Variants in ITIH5 observed in about 807,000 individuals in gnomAD.
The protein encoded by ITIH5 is inter-alpha-trypsin inhibitor heavy chain H5.
In ITIH5, 65 loss-of-function variants were observed where a neutral mutation model predicts 77.5. The ratio of observed to expected loss-of-function variants is 0.84; its 90% CI spans 0.69 to 1.03. ITIH5 has a LOEUF of 1.03. Among genes scored for constraint, ITIH5 ranks in the 50% least tolerant of loss-of-function variants. The pLI is 0.00. For synonymous variants in ITIH5, 525 were observed against 494.3 expected (o/e 1.06, Z -0.82); for missense variants, 1,208 against 1,213.1 (o/e 1.00, Z 0.06).
chr10:7,641,267 C>T (rs1040155978), intron 3 of ITIH5, among the ~76,000 whole-genome samples: 2 of 152,106 alleles, frequency 1.3e-5, no homozygotes, highest in South Asian at 2.1e-4. Context: ...GTCTTTCAAC[C>T]CTCAACTTCA....
intron 2 of ITIH5, among the ~76,000 whole-genome samples, chr10:7,652,419 C>A (rs1169935390): frequency 6.6e-6 from 1 of 152,152 alleles, no homozygotes; most frequent in Non-Finnish European, 1.5e-5. Context: ...ATCCTTGGAG[C>A]TTATCCCACG....
chr10:7,595,296 A>G (rs1832872169), intron 7 of ITIH5, among the ~76,000 whole-genome samples: 1 of 151,992 alleles, frequency 6.6e-6, no homozygotes, highest in Non-Finnish European at 1.5e-5. Flanking sequence ...CTGAAGGGAG[A>G]TTTTGAAAAT....
intron 2 of ITIH5, among the ~76,000 whole-genome samples, chr10:7,652,903 A>G (rs1834123608): frequency 6.6e-6 from 1 of 152,344 alleles, no homozygotes. Context: ...CTGGAAAAAA[A>G]AAAGCAATTC....
chr10:7,576,778 C>A lies in ITIH5; in HGVS notation c.1653G>T (p.Lys551Asn). Residue 551 changes from lysine (K) to asparagine (N), a missense_variant, in exon 10 of 14, where the codon AAG becomes AAT. Transcript: ENST00000397146. ...LKTDVPVRPQ[K>N]AGKDVTGSPR... is the part of the protein sequence containing the mutation. ...GGCTTCCTGTGACATCTTTCCCTGC[C>A]TTCTGAGGCCGCACAGGCACATCTG... 6.2e-7 allele frequency: 1 copy of A among 1,614,222 alleles called. No homozygotes were observed. Among genetic ancestry groups the A allele is most frequent in the Non-Finnish European group, 8.5e-7 (1 of 1,180,042 alleles).
At chr10:7,594,005 G>T (rs1832847366) in intron 7 of ITIH5, among the ~76,000 whole-genome samples, 1 of 152,230 alleles carries the variant, frequency 6.6e-6, no homozygotes, top group African/African-American at 2.4e-5. Context: ...TCATGTGAGG[G>T]GCTGGAGCTG....
At chr10:7,582,841 C>T (rs1023678051) in intron 8 of ITIH5, among the ~76,000 whole-genome samples, 1 of 151,700 alleles carries the variant, frequency 6.6e-6, no homozygotes, top group African/African-American at 2.4e-5. Context: ...AGAGGCTGGG[C>T]AGGGTAGTGG....
chr10:7,644,819 CATATATATCACATA>C (rs1833974465), intron 2 of ITIH5, among the ~76,000 whole-genome samples: 1 of 75,084 alleles, frequency 1.3e-5, no homozygotes, highest in Admixed American at 1.1e-4. Flanking sequence ...ACATATATAT[CATATATATCACATA>C]TATATCACAT....
chr10:7,611,459 A>G (rs1325209103), intron 7 of ITIH5, among the ~76,000 whole-genome samples: 2 of 152,204 alleles, frequency 1.3e-5, no homozygotes, highest in African/African-American at 4.8e-5. Context: ...TGGCAAGAAG[A>G]TTCTTGATCA....
Position 7,562,677 on chromosome 10 carries a change from C to A in ITIH5, c.*406G>T, listed in dbSNP as rs1564229001. ...TTAGTGTAAGGCAAAAAGCAGAGTG[C>A]CTAAACTTGTCCATTTCCACCAAGA... On this transcript the variant is annotated 3_prime_UTR_variant, in exon 14 of 14. Coordinates refer to ENST00000397146, the MANE Select transcript of ITIH5 (RefSeq NM_030569.7). 4.7e-6 allele frequency: 1 copy of A among 214,544 alleles called. No homozygotes were observed. Among genetic ancestry groups the A allele is most frequent in the Non-Finnish European group, 9.5e-6 (1 of 105,564 alleles). The allele number at this position is 214,544 out of a possible 1,614,324, so 13.3% of individuals were successfully genotyped here.
chr10:7,591,035 T>C (rs1244607752), intron 7 of ITIH5, among the ~76,000 whole-genome samples: 2 of 152,226 alleles, frequency 1.3e-5, no homozygotes, highest in Non-Finnish European at 2.9e-5. Context: ...TAGCTGGGCT[T>C]ACAGGCACAC....
chr10:7,643,065 G>A (rs903443142), intron 2 of ITIH5, among the ~76,000 whole-genome samples: 11 of 152,266 alleles, frequency 7.2e-5, no homozygotes, highest in East Asian at 1.9e-4. Flanking sequence ...TCTCTATGAT[G>A]GGATTAATGC....
intron 5 of ITIH5, among the ~76,000 whole-genome samples, chr10:7,628,718 AGC>A (rs1248103359): frequency 6.7e-5 from 8 of 119,292 alleles, no homozygotes; most frequent in East Asian, 4.8e-4. Flanking sequence ...TCCATGTTGT[AGC>A]GTGTGTCCAT....
chr10:7,608,149 T>C (rs983639497), intron 7 of ITIH5, among the ~76,000 whole-genome samples: 5 of 152,230 alleles, frequency 3.3e-5, no homozygotes, highest in Admixed American at 2.0e-4. Flanking sequence ...AGCGCCTTCA[T>C]TTGTTCAGGG....
At position 7,613,245 on chromosome 10, in the gene ITIH5, C is replaced by CAA. The variant is rs58021308; in HGVS notation, c.939+2735_939+2736dup. Among the ~76,000 whole-genome samples the CAA allele has an allele frequency of 2.8e-4, 40 of 143,594 alleles. 1 individual carries two copies. The highest frequency in any genetic ancestry group is 1.0e-3 in the African/African-American group (37 of 36,396). 94.2% of individuals were successfully genotyped at this position (143,594 alleles called of 152,430 possible). ...CAGGTGACAGAGTGAGACTTCGTCT[C>CAA]AAAAAAAAAAAAAAAAAAAAAAAAA... On this transcript the variant is annotated intron_variant, in intron 7 of 13. Coordinates refer to ENST00000397146, the MANE Select transcript of ITIH5 (RefSeq NM_030569.7).
intron 2 of ITIH5, among the ~76,000 whole-genome samples, chr10:7,644,696 ATATC>A (rs372309231): frequency 2.4e-5 from 3 of 127,156 alleles, no homozygotes; most frequent in Admixed American, 7.9e-5. Context: ...TATATATCAC[ATATC>A]TATATCACAT....
chr10:7,642,671 A>G (rs1050601311), intron 2 of ITIH5, among the ~76,000 whole-genome samples: 11 of 152,212 alleles, frequency 7.2e-5, no homozygotes, highest in African/African-American at 2.2e-4. Flanking sequence ...AAAGGAACAC[A>G]TAAGTCTGTG....
chr10:7,625,773 A>AAAAAAGAAAGAAAG (rs1554755460), intron 5 of ITIH5, among the ~76,000 whole-genome samples: 2 of 149,682 alleles, frequency 1.3e-5, no homozygotes, highest in South Asian at 2.1e-4. Flanking sequence ...TCAAAAAAAA[A>AAAAAAGAAAGAAAG]AAAGAAAGAA....
At chr10:7,642,847 A>G (rs1223869213) in intron 2 of ITIH5, among the ~76,000 whole-genome samples, 1 of 152,242 alleles carries the variant, frequency 6.6e-6, no homozygotes, top group Admixed American at 6.5e-5. Flanking sequence ...ATTTGTAAGG[A>G]AAGCCACAAG....
chr10:7,578,715 C>T (rs1832475529), intron 9 of ITIH5: 1 of 152,182 alleles, frequency 6.6e-6, no homozygotes, highest in Non-Finnish European at 1.5e-5. Flanking sequence ...CTCCCCTTTG[C>T]TTTTAAGTAG....
Sources: gnomAD v4.1 joint callset for allele counts (sites outside exome capture counted in the v4.1 genomes callset) on GRCh38, gnomAD v4.1.1 for gene constraint, MANE v1.5 for transcripts, NCBI Gene and HGNC (gene_info 2026-07-23, HGNC 2026-07-21) for gene names.